PLEKHG7: variants seen among roughly 807,000 people sequenced by gnomAD.
PLEKHG7 encodes pleckstrin homology and RhoGEF domain containing G7, also known as pleckstrin homology domain-containing family G member 7.
In PLEKHG7, 77 loss-of-function variants were observed where a neutral mutation model predicts 85.2. The ratio of observed to expected loss-of-function variants is 0.90; its 90% CI spans 0.75 to 1.09. The LOEUF (loss-of-function observed/expected upper bound fraction) is 1.09, where lower values mean the gene tolerates loss of function less well. PLEKHG7 is among the 50% of genes least tolerant of loss of function. The probability of loss-of-function intolerance (pLI) is 0.00; values close to 1 mark genes in which losing one functional copy is unlikely to be tolerated. For missense variants in PLEKHG7, 777 were observed against 804.3 expected, an observed-to-expected ratio of 0.97 and a Z score of 0.41; for synonymous variants, 301 against 302.4, an observed-to-expected ratio of 1.00 and a Z score of 0.05.
intron 3 of PLEKHG7, among the ~76,000 whole-genome samples, chr12:92,711,430 G>A (rs140866365): frequency 1.4e-4 from 21 of 152,254 alleles, no homozygotes; most frequent in African/African-American, 4.3e-4. Flanking sequence ...TTCAGGACCC[G>A]CTTGAGCCCA....
Position 92,737,382 on chromosome 12 carries a change from A to T in PLEKHG7, c.800A>T (p.Lys267Met). ...RGYDFYGLKD[K>M]TWDEVLETHH... Reference sequence around the variant, plus strand: ...CTCTTTTTCCCTCATGTACAGGATAAGACCTGGGATGAAGTCTTGGAAACA... The same window carrying T: ...CTCTTTTTCCCTCATGTACAGGATATGACCTGGGATGAAGTCTTGGAAACA... Residue 267 changes from lysine to methionine, a missense_variant, in exon 7 of 17, where the codon AAG becomes ATG. Lys to Met is a moderately conservative substitution (Grantham distance 95). Around this residue, in one of 3 missense-constraint regions of PLEKHG7, gnomAD observed 520 missense variants for 544.0 expected, o/e 0.96. Transcript: ENST00000344636. 1.3e-6 allele frequency: 2 copies of T among 1,511,656 alleles called. No individual in the cohort carries two copies. Among genetic ancestry groups the T allele is most frequent in the Non-Finnish European group, 1.8e-6 (2 of 1,139,460 alleles). The allele number at this position is 1,511,656 out of a possible 1,614,324, so 93.6% of individuals were successfully genotyped here. A position where few individuals can be genotyped will look rare whatever the true frequency, so the allele number is the denominator to read the frequency against.
chr12:92,733,750 G>A (rs1337170652), intron 5 of PLEKHG7, among the ~76,000 whole-genome samples: 1 of 152,230 alleles, frequency 6.6e-6, no homozygotes, highest in Non-Finnish European at 1.5e-5. Context: ...TATGCTTTCA[G>A]AAGGGAAGAA....
At chr12:92,725,836 G>A (rs539107461) in intron 3 of PLEKHG7, among the ~76,000 whole-genome samples, 15 of 152,266 alleles carry the variant, frequency 9.9e-5, no homozygotes, top group African/African-American at 3.6e-4. Context: ...AGTAGGAAAA[G>A]CCTATATCAA....
At chr12:92,711,958 T>C (rs1050005139) in intron 3 of PLEKHG7, among the ~76,000 whole-genome samples, 2 of 152,182 alleles carry the variant, frequency 1.3e-5, no homozygotes, top group South Asian at 2.1e-4. Flanking sequence ...GCATTGTACC[T>C]CTTTCTTGGT....
chr12:92,712,196 C>G (rs567227206), intron 3 of PLEKHG7, among the ~76,000 whole-genome samples: 3 of 152,294 alleles, frequency 2.0e-5, no homozygotes, highest in East Asian at 1.9e-4. Flanking sequence ...GTGTAATGGA[C>G]CAGTGTGATA....
rs1871271031 is a variant in PLEKHG7 at position 92,707,498 on chromosome 12, A to G, written c.508-152A>G. 3.4e-6 allele frequency: 5 copies of G among 1,462,224 alleles called. No individual in the cohort carries two copies. The South Asian group carries it at 4.4e-5, about 13-fold the overall frequency. The allele number at this position is 1,462,224 out of a possible 1,614,324, so 90.6% of individuals were successfully genotyped here. On this transcript the variant is annotated intron_variant, in intron 2 of 16. Transcript: ENST00000344636. ...TCGTGTCACTGATTTAAAAGGGGAG[A>G]AAGAGCCAGTTATTCAAATTTCCAA...
At chr12:92,767,717 G>A (rs1243398972) in intron 15 of PLEKHG7, among the ~76,000 whole-genome samples, 1 of 152,150 alleles carries the variant, frequency 6.6e-6, no homozygotes, top group Non-Finnish European at 1.5e-5. Flanking sequence ...TCTGAAAGAA[G>A]CCCAACAGCC....
chr12:92,760,004 T>C (rs1249663814), intron 13 of PLEKHG7, among the ~76,000 whole-genome samples: 1 of 152,216 alleles, frequency 6.6e-6, no homozygotes, highest in Non-Finnish European at 1.5e-5. Flanking sequence ...TCTAGGGAAC[T>C]GCCTTCTTCT....
intron 3 of PLEKHG7, among the ~76,000 whole-genome samples, chr12:92,711,467 T>C (rs562291897): frequency 6.6e-6 from 1 of 152,246 alleles, no homozygotes; most frequent in African/African-American, 2.4e-5. Flanking sequence ...TTCCATTTGA[T>C]GATGAAATGC....
intron 3 of PLEKHG7, among the ~76,000 whole-genome samples, chr12:92,723,417 T>A (rs943642638): frequency 1.3e-5 from 2 of 152,178 alleles, no homozygotes; most frequent in African/African-American, 4.8e-5. Context: ...ATGGATTAAG[T>A]TCTAAATTAG....
At chr12:92,741,018 T>C in intron 8 of PLEKHG7, 70 bp downstream of exon 8, 1 of 1,123,204 alleles carries the variant, frequency 8.9e-7, no homozygotes, top group African/African-American at 1.5e-5. Context: ...CTTGGTCTGT[T>C]CTTATGGCTT....
At chr12:92,730,464 A>T (rs1381440720) in intron 4 of PLEKHG7, among the ~76,000 whole-genome samples, 1 of 152,236 alleles carries the variant, frequency 6.6e-6, no homozygotes, top group Non-Finnish European at 1.5e-5. Flanking sequence ...AGACCTTCTG[A>T]ATCAGAAACT....
intron 14 of PLEKHG7, among the ~76,000 whole-genome samples, chr12:92,763,104 G>A (rs1399250303): frequency 6.6e-6 from 1 of 152,128 alleles, no homozygotes; most frequent in East Asian, 1.9e-4. Flanking sequence ...ATTAATGGCA[G>A]CCCATGTTGA....
chr12:92,756,829 C>T (rs1872848784), intron 13 of PLEKHG7, among the ~76,000 whole-genome samples: 1 of 152,204 alleles, frequency 6.6e-6, no homozygotes, highest in African/African-American at 2.4e-5. Flanking sequence ...TATAAAAACT[C>T]ATTCTGTATA....
intron 3 of PLEKHG7, among the ~76,000 whole-genome samples, chr12:92,718,271 A>G (rs1271799536): frequency 6.6e-6 from 1 of 152,202 alleles, no homozygotes; most frequent in Non-Finnish European, 1.5e-5. Flanking sequence ...CCTTCCTGAT[A>G]TGGGCATGGT....
Position 92,745,627 on chromosome 12 carries a change from T to C in PLEKHG7, c.1251+36T>C, listed in dbSNP as rs567571587. 4.4e-5 allele frequency: 64 copies of C among 1,467,988 alleles called. No individual in the cohort carries two copies. The South Asian group carries it at 6.7e-4, about 15-fold the overall frequency. The allele number at this position is 1,467,988 out of a possible 1,614,324, so 90.9% of individuals were successfully genotyped here. A position where few individuals can be genotyped will look rare whatever the true frequency, so the allele number is the denominator to read the frequency against. On this transcript the variant is annotated intron_variant, in intron 10 of 16. Transcript: ENST00000344636. Reference sequence around the variant, plus strand: ...ATTTTCTTTTCTTTTGTATTTTTGCTGATGCTTTTTGGGTGTCACATGTAC... The same window carrying C: ...ATTTTCTTTTCTTTTGTATTTTTGCCGATGCTTTTTGGGTGTCACATGTAC...
intron 10 of PLEKHG7, among the ~76,000 whole-genome samples, chr12:92,753,360 C>G (rs1050582813): frequency 2.0e-5 from 3 of 152,174 alleles, no homozygotes; most frequent in African/African-American, 4.8e-5. Context: ...GCAGATAAAA[C>G]AAGCGTAAAA....
chr12:92,752,902 G>A (rs140545839), intron 10 of PLEKHG7, among the ~76,000 whole-genome samples: 92 of 152,164 alleles, frequency 6.0e-4, no homozygotes, highest in African/African-American at 2.0e-3. Context: ...CTGTCTTCTC[G>A]CTGTAGCCTC....
intron 10 of PLEKHG7, among the ~76,000 whole-genome samples, chr12:92,748,147 G>A (rs1439283324): frequency 1.3e-5 from 2 of 151,986 alleles, no homozygotes; most frequent in Non-Finnish European, 2.9e-5. Flanking sequence ...TATCATGTGT[G>A]CCCCATAAAT....
Sources: gnomAD v4.1 joint callset for allele counts (sites outside exome capture counted in the v4.1 genomes callset) on GRCh38, gnomAD v4.1.1 for gene constraint, gnomAD v4.1.1 regional missense constraint, MANE v1.5 for transcripts, NCBI Gene and HGNC (gene_info 2026-07-23, HGNC 2026-07-21) for gene names.